The following PCDHGB4 variants were observed in gnomAD, a reference collection of about 807,000 sequenced individuals.
PCDHGB4 encodes protocadherin gamma-B4.
PCDHGB4 carries 38 observed loss-of-function variants against 60.5 expected under a neutral mutation model. That is an observed-to-expected ratio of 0.63 (90% CI 0.48 to 0.82). The LOEUF (loss-of-function observed/expected upper bound fraction) is 0.82. Ranked by LOEUF, PCDHGB4 falls within the 40% of genes least tolerant of loss-of-function variation. The probability of loss-of-function intolerance (pLI) is 0.00; values close to 1 mark genes in which losing one functional copy is unlikely to be tolerated. For synonymous variants in PCDHGB4, 456 were observed against 509.7 expected (o/e 0.89, Z 1.42); for missense variants, 1,109 against 1,209.6 (o/e 0.92, Z 1.23).
At chr5:141,478,936 G>A in intron 1 of PCDHGB4, 1 of 633,220 alleles carries the variant, frequency 1.6e-6, no homozygotes, top group African/African-American at 1.9e-5. Context: ...GCAGCTTCTA[G>A]GAATACAAAA....
intron 1 of PCDHGB4, among the ~76,000 whole-genome samples, chr5:141,457,459 C>G (rs749463185): frequency 1.6e-4 from 24 of 152,166 alleles, no homozygotes; most frequent in Non-Finnish European, 3.4e-4. Context: ...CCACTTGATT[C>G]ACAGGAATAA....
In PCDHGB4 at chr5:141,501,176, T is replaced by C. The variant is rs917315609; in HGVS notation, c.2457-4217T>C. ...GCCACCATCCCCAGCCTCATTTACA[T>C]TTTAACACAATTAAATTCAGGGTGT... On this transcript the variant is annotated intron_variant, in intron 2 of 3. Coordinates refer to ENST00000519479, the MANE Select transcript of PCDHGB4 (RefSeq NM_003736.4). Among the ~76,000 whole-genome samples, 16 of 152,244 alleles carry C rather than the reference T, an allele frequency of 1.1e-4. No homozygotes were observed. In the South Asian group the frequency reaches 3.3e-3, roughly 32 times the overall value.
intron 1 of PCDHGB4, chr5:141,441,206 C>T (rs750648706): frequency 3.3e-5 from 5 of 152,150 alleles, no homozygotes; most frequent in African/African-American, 4.8e-5. Context: ...GATTCTGCAC[C>T]TTGGACAGTA....
intron 2 of PCDHGB4, among the ~76,000 whole-genome samples, chr5:141,500,682 G>A (rs1661676761): frequency 6.6e-6 from 1 of 152,044 alleles, no homozygotes; most frequent in African/African-American, 2.4e-5. Context: ...CAGAATTATA[G>A]CTTTTTTCTT....
At chr5:141,418,630 A>G in intron 1 of PCDHGB4, 1 of 1,614,046 alleles carries the variant, frequency 6.2e-7, no homozygotes, top group Non-Finnish European at 8.5e-7. Context: ...ACGTGCCTCC[A>G]GGCACCTCCA....
At position 141,486,646 on chromosome 5, in the gene PCDHGB4, C is replaced by T; in HGVS notation, c.2398-8161C>T. On this transcript the variant is annotated intron_variant, in intron 1 of 3. Transcript: ENST00000519479. The surrounding 1 kb of genome is among the most constrained non-coding windows in gnomAD (Gnocchi z 5.0). ...ACTCTGGCTTGAATGCGCTTATCTC[C>T]TACTCACTCCTGGAGCCCAGGAATC... is the stretch of plus-strand genomic sequence containing the variant. 4.3e-6 allele frequency: 7 copies of T among 1,613,916 alleles called. No individual in the cohort carries two copies. Among genetic ancestry groups the T allele is most frequent in the African/African-American group, 1.3e-5 (1 of 75,058 alleles).
At chr5:141,399,511 C>A (rs1252813422) in intron 1 of PCDHGB4, 1 of 1,613,924 alleles carries the variant, frequency 6.2e-7, no homozygotes, top group African/African-American at 1.3e-5. Flanking sequence ...CGAAAACAAC[C>A]CTCCTGGGGC....
At chr5:141,414,861 T>C in intron 1 of PCDHGB4, 1 of 1,614,118 alleles carries the variant, frequency 6.2e-7, no homozygotes, top group Admixed American at 1.7e-5. Context: ...AGAACGACAA[T>C]GCGCCCGAGA....
chr5:141,392,488 T>G, intron 1 of PCDHGB4: 1 of 203,312 alleles, frequency 4.9e-6, no homozygotes, highest in Non-Finnish European at 9.8e-6. Flanking sequence ...AACAAAGTAA[T>G]AAGCAAATGA....
intron 1 of PCDHGB4, among the ~76,000 whole-genome samples, chr5:141,469,642 A>G (rs1339074059): frequency 2.0e-5 from 3 of 152,244 alleles, no homozygotes; most frequent in Admixed American, 6.5e-5. Flanking sequence ...AAATATTTTG[A>G]TGACATAATT....
In PCDHGB4 at chr5:141,431,509, C is replaced by T. The variant is rs774558486; in HGVS notation, c.2397+41228C>T. The T allele has an allele frequency of 3.1e-6, 5 of 1,613,992 alleles. 1 individual carries two copies. In the Admixed American group the frequency reaches 5.0e-5, roughly 16 times the overall value. On this transcript the variant is annotated intron_variant, in intron 1 of 3. Coordinates refer to ENST00000519479, the MANE Select transcript of PCDHGB4 (RefSeq NM_003736.4). This position sits in a 1 kb window ranked among gnomAD's most constrained non-coding sequence, Gnocchi z 4.8. ...TTGCTCAGCCCGAGTACCGCGCGAG[C>T]GTTCCGGAGAATCTGGCCTTGGGCA...
chr5:141,421,864 C>T (rs1561797174), intron 1 of PCDHGB4: 2 of 1,613,766 alleles, frequency 1.2e-6, no homozygotes, highest in Non-Finnish European at 1.7e-6. Context: ...CCTGCTCCTC[C>T]TCACAGCTTT....
At chr5:141,475,871 A>G (rs568810142) in intron 1 of PCDHGB4, 17 of 513,152 alleles carry the variant, frequency 3.3e-5, no homozygotes, top group Middle Eastern at 5.1e-4. Context: ...TTCTTCGTGC[A>G]GTTATTGGCT....
chr5:141,469,595 CAAAAT>C (rs919167679), intron 1 of PCDHGB4, among the ~76,000 whole-genome samples: 3 of 151,998 alleles, frequency 2.0e-5, no homozygotes, highest in Admixed American at 6.6e-5. Context: ...ATAAATAAAA[CAAAAT>C]AAGTAAAATA....
Position 141,431,474 on chromosome 5 carries a change from G to C in PCDHGB4, c.2397+41193G>C. On this transcript the variant is annotated intron_variant, in intron 1 of 3. Coordinates refer to ENST00000519479, the MANE Select transcript of PCDHGB4 (RefSeq NM_003736.4). The surrounding 1 kb of genome is among the most constrained non-coding windows in gnomAD (Gnocchi z 4.8). The stretch of plus-strand genomic sequence containing the variant: ...GATGGTTCTGGATGCGAACGACAAC[G>C]CACCAGCGTTTGCTCAGCCCGAGTA... 6.2e-7 allele frequency: 1 copy of C among 1,613,842 alleles called. No individual in the cohort carries two copies. The highest frequency in any genetic ancestry group is 8.5e-7 in the Non-Finnish European group (1 of 1,179,958).
At chr5:141,404,593 A>G in intron 1 of PCDHGB4, 1 of 1,614,080 alleles carries the variant, frequency 6.2e-7, no homozygotes, top group Non-Finnish European at 8.5e-7. Context: ...GCAATGTGTC[A>G]TTGAGACTGT....
chr5:141,494,921 A>C (rs1345734925), intron 2 of PCDHGB4, 56 bp downstream of exon 2: 6 of 1,613,556 alleles, frequency 3.7e-6, no homozygotes, highest in Non-Finnish European at 5.1e-6. Flanking sequence ...CTCAGGGATG[A>C]CGTGGGAGGA....
chr5:141,387,741 G>T lies in PCDHGB4; in HGVS notation c.-144G>T. The stretch of plus-strand genomic sequence containing the variant: ...ACTCCCCAGCGCCAGCCTTTACACC[G>T]CTTCCTCCTCGGAAAAAGAAGAATT... On this transcript the variant is annotated 5_prime_UTR_variant, in exon 1 of 4. Transcript: ENST00000519479. The T allele has an allele frequency of 1.5e-6, 2 of 1,332,868 alleles. No individual in the cohort carries two copies. The highest frequency in any genetic ancestry group is 2.0e-6 in the Non-Finnish European group (2 of 990,366). The allele number at this position is 1,332,868 out of a possible 1,614,324, so 82.6% of individuals were successfully genotyped here.
chr5:141,415,760 T>G (rs779762678), intron 1 of PCDHGB4: 355 of 1,388,296 alleles, frequency 2.6e-4, no homozygotes, highest in East Asian at 7.0e-4. Flanking sequence ...TTTTTTTTTT[T>G]TTTTTTTTTT....
Sources: gnomAD v4.1 joint callset for allele counts (sites outside exome capture counted in the v4.1 genomes callset) on GRCh38, gnomAD v4.1.1 for gene constraint, Gnocchi (gnomAD v3.1) non-coding constraint, MANE v1.5 for transcripts, NCBI Gene and HGNC (gene_info 2026-07-23, HGNC 2026-07-21) for gene names.